Variants in FAM234A observed in about 807,000 individuals in gnomAD.
FAM234A encodes the protein family with sequence similarity 234 member A, also known as protein FAM234A.
In FAM234A, 42 loss-of-function variants were observed where a neutral mutation model predicts 49.1. The observed-to-expected ratio is 0.86, with a 90% CI of 0.67 to 1.11. FAM234A has a LOEUF of 1.11. Among genes scored for constraint, FAM234A ranks in the 50% least tolerant of loss-of-function variants. The pLI is 0.00. For missense variants in FAM234A, 815 were observed against 745.2 expected (o/e 1.09, Z -1.09); for synonymous variants, 369 against 316.2 (o/e 1.17, Z -1.77).
At position 254,554 on chromosome 16, in the gene FAM234A, C is replaced by A; in HGVS notation, c.141C>A (p.Cys47Ter). 1 of 1,614,198 alleles carries A rather than the reference C, an allele frequency of 6.2e-7. No individual in the cohort carries two copies. Among genetic ancestry groups the A allele is most frequent in the Non-Finnish European group, 8.5e-7 (1 of 1,180,038 alleles). ...SAPPQSRLSR[C>*]RAAAFFLSLF... ...CTCCACAGTCCCGGCTCTCCCGGTGCCGAGCGGCGGCGTTTTTTCTTTCAT... is the reference window on the plus strand; with the variant it reads ...CTCCACAGTCCCGGCTCTCCCGGTGACGAGCGGCGGCGTTTTTTCTTTCAT... The change falls in exon 3 of 13, where the codon TGC becomes TGA. Residue 47 changes from cysteine (C) to a stop codon, truncating the protein, a stop_gained. Transcript: ENST00000399932. LOFTEE classifies it high-confidence loss of function.
Position 265,904 on chromosome 16 carries a change from A to C in FAM234A, c.*882A>C. The stretch of plus-strand genomic sequence containing the variant: ...CTGCCTCTCCCCTTCCGGTGCTCAC[A>C]CGCCCACGCCGTGCCACCCGATGCA... On this transcript the variant is annotated 3_prime_UTR_variant, in exon 13 of 13. Coordinates refer to ENST00000399932, the MANE Select transcript of FAM234A (RefSeq NM_032039.4). 1 of 986,300 alleles carries C rather than the reference A, an allele frequency of 1.0e-6. No homozygotes were observed. Among genetic ancestry groups the C allele is most frequent in the Non-Finnish European group, 1.2e-6 (1 of 830,468 alleles). The allele number at this position is 986,300 out of a possible 1,614,324, so 61.1% of individuals were successfully genotyped here.
Position 262,489 on chromosome 16 carries a change from T to A in FAM234A, c.907T>A (p.Phe303Ile). The change falls in exon 8 of 13, where the codon TTC (phenylalanine) becomes ATC (isoleucine). Residue 303 changes from phenylalanine (F) to isoleucine (I), a missense_variant. By Grantham distance (21) the Phe-to-Ile change is conservative (BLOSUM62 0). Transcript: ENST00000399932. Reference sequence around the variant, plus strand: ...GAAGGTGACCGGGAGCGGCGGCCCGTTCAAGAGTGACCCGCACTGGGAGAG... The same window carrying A: ...GAAGGTGACCGGGAGCGGCGGCCCGATCAAGAGTGACCCGCACTGGGAGAG... ...YEKVTGSGGP[F>I]KSDPHWESML... 6.2e-7 allele frequency: 1 copy of A among 1,612,704 alleles called. No homozygotes were observed. The highest frequency in any genetic ancestry group is 8.5e-7 in the Non-Finnish European group (1 of 1,179,466).
At chr16:250,121 C>T (rs1486502241) in intron 2 of FAM234A, among the ~76,000 whole-genome samples, 1 of 152,144 alleles carries the variant, frequency 6.6e-6, no homozygotes, top group East Asian at 1.9e-4. Flanking sequence ...TTAGTAGAGA[C>T]GGGGTTTCAC....
intron 2 of FAM234A, among the ~76,000 whole-genome samples, chr16:251,589 G>A (rs1202306840): frequency 4.0e-5 from 6 of 150,964 alleles, no homozygotes; most frequent in African/African-American, 1.5e-4. Context: ...CATTGCCCAG[G>A]CTGTTCTCAA....
At chr16:262,297 C>T (rs1016601542) in intron 7 of FAM234A, 72 bp downstream of exon 7, 1 of 1,587,570 alleles carries the variant, frequency 6.3e-7, no homozygotes, top group Non-Finnish European at 8.6e-7. Flanking sequence ...TCCTCAGGTC[C>T]TGCTTCTGCT....
intron 3 of FAM234A, among the ~76,000 whole-genome samples, chr16:258,051 TCACCGTATTAG>T (rs2051307548): frequency 6.6e-6 from 1 of 151,954 alleles, no homozygotes; most frequent in African/African-American, 2.4e-5. Context: ...AGAGAAGGTT[TCACCGTATTAG>T]CCAGGCTTGT....
intron 1 of FAM234A, among the ~76,000 whole-genome samples, chr16:236,636 G>T (rs1328133123): frequency 6.6e-6 from 1 of 150,658 alleles, no homozygotes; most frequent in Admixed American, 6.6e-5. Flanking sequence ...GCCGGGCGCG[G>T]TGGCTCACGC....
At chr16:244,938 C>G (rs900523613) in intron 1 of FAM234A, among the ~76,000 whole-genome samples, 1 of 151,392 alleles carries the variant, frequency 6.6e-6, no homozygotes, top group Non-Finnish European at 1.5e-5. Flanking sequence ...GTGATCTGCC[C>G]GCCTCAGCCT....
At position 260,031 on chromosome 16, in the gene FAM234A, G is replaced by A. The variant is rs369532869; in HGVS notation, c.448G>A (p.Glu150Lys). Residue 150 changes from glutamate (E) to lysine (K), a missense_variant, in exon 5 of 13, where the codon GAG becomes AAG. Glu to Lys is a moderately conservative substitution (Grantham distance 56). Coordinates refer to ENST00000399932, the MANE Select transcript of FAM234A (RefSeq NM_032039.4). ...VSGANGSTLWERPVAQDVALV... is the reference protein window; with the variant it reads ...VSGANGSTLWKRPVAQDVALV... ...GGGGGCCAACGGCAGCACGCTCTGGGAGAGACCTGTGGCCCAAGACGTGGC... is the reference window on the plus strand; with the variant it reads ...GGGGGCCAACGGCAGCACGCTCTGGAAGAGACCTGTGGCCCAAGACGTGGC... 5.6e-5 allele frequency: 90 copies of A among 1,613,678 alleles called. 2 individuals carry two copies. In the South Asian group the frequency reaches 6.7e-4, roughly 12 times the overall value.
chr16:254,544 T>G lies in FAM234A; in HGVS notation c.131T>G (p.Leu44Arg), dbSNP rs750844813. The change falls in exon 3 of 13, where the codon CTC becomes CGC. Residue 44 changes from leucine (L) to arginine (R), a missense_variant. Physicochemically the swap from Leu to Arg is moderately radical, Grantham distance 102. Transcript: ENST00000399932. ...AAAAGCGCGCCTCCACAGTCCCGGC[T>G]CTCCCGGTGCCGAGCGGCGGCGTTT... is the stretch of plus-strand genomic sequence containing the variant. ...NVKSAPPQSRLSRCRAAAFFL... is the reference protein window; with the variant it reads ...NVKSAPPQSRRSRCRAAAFFL... 53 of 1,614,060 alleles carry G rather than the reference T, an allele frequency of 3.3e-5. No homozygotes were observed. Among genetic ancestry groups the G allele is most frequent in the Middle Eastern group, 3.3e-4 (2 of 6,076 alleles).
downstream of FAM234A, among the ~76,000 whole-genome samples, chr16:266,906 G>A (rs1382138576): frequency 6.6e-6 from 1 of 152,006 alleles, no homozygotes; most frequent in Non-Finnish European, 1.5e-5. Flanking sequence ...GGGAGGGCAG[G>A]GGGTCCCCAA....
intron 9 of FAM234A, 87 bp from the exon 10 acceptor site, chr16:263,613 T>C (rs925824834): frequency 7.7e-7 from 1 of 1,304,926 alleles, no homozygotes; most frequent in Admixed American, 1.7e-5. Context: ...CATGGGAGAC[T>C]GAGGGGCGGA....
intron 2 of FAM234A, among the ~76,000 whole-genome samples, chr16:252,033 C>CT (rs138612472): frequency 0.18 from 26,868 of 147,036 alleles, 2,725 homozygotes; most frequent in East Asian, 0.31. Flanking sequence ...AGATGGGTCT[C>CT]TCTGTTGCCC....
chr16:238,583 A>G (rs8057260), intron 1 of FAM234A, among the ~76,000 whole-genome samples: 7,100 of 149,432 alleles, frequency 0.048, 311 homozygotes, highest in African/African-American at 0.12. Context: ...TGGCTAACAC[A>G]GTGAAATCCC....
At chr16:238,656 C>A (rs1361820560) in intron 1 of FAM234A, among the ~76,000 whole-genome samples, 2 of 150,936 alleles carry the variant, frequency 1.3e-5, no homozygotes, top group African/African-American at 2.4e-5. Flanking sequence ...GTCCCAGCCA[C>A]TCCGGAGGCT....
Position 253,663 on chromosome 16 carries a change from A to G in FAM234A, c.-33-718A>G, listed in dbSNP as rs576631614. 3.9e-5 allele frequency among the ~76,000 whole-genome samples: 6 copies of G among 151,998 alleles called. No homozygotes were observed. The East Asian group carries it at 1.2e-3, about 30-fold the overall frequency. The stretch of plus-strand genomic sequence containing the variant: ...CTAATTTTTTGTATTTTTAGTAGAG[A>G]TGGGGTTTCACCGAGTTAGCCAGGA... On this transcript the variant is annotated intron_variant, in intron 2 of 12. Coordinates refer to ENST00000399932, the MANE Select transcript of FAM234A (RefSeq NM_032039.4).
chr16:263,671 T>C (rs1461778734), intron 9 of FAM234A, 29 bp from the exon 10 acceptor site: 1 of 1,569,494 alleles, frequency 6.4e-7, no homozygotes, highest in East Asian at 2.2e-5. Context: ...CTGAGACCCC[T>C]CGTGAGCGCT....
chr16:258,103 C>G (rs2051310782), intron 3 of FAM234A, among the ~76,000 whole-genome samples: 1 of 152,006 alleles, frequency 6.6e-6, no homozygotes, highest in East Asian at 1.9e-4. Context: ...ATCCACCCGC[C>G]TCGGCCTCCT....
chr16:249,953 A>T lies in FAM234A; in HGVS notation c.-34+299A>T, dbSNP rs949216185. Among the ~76,000 whole-genome samples the T allele has an allele frequency of 5.4e-4, 81 of 151,292 alleles. 1 individual carries two copies. Among genetic ancestry groups the T allele is most frequent in the African/African-American group, 1.8e-3 (72 of 40,782 alleles). On this transcript the variant is annotated intron_variant, in intron 2 of 12. Transcript: ENST00000399932. Reference sequence around the variant, plus strand: ...TTTATTTATTTATTATTTAAAAAAAATTTTTCTTTTTAGACGGAGTCTCGC... The same window carrying T: ...TTTATTTATTTATTATTTAAAAAAATTTTTTCTTTTTAGACGGAGTCTCGC...
Sources: gnomAD v4.1 joint callset for allele counts (sites outside exome capture counted in the v4.1 genomes callset) on GRCh38, gnomAD v4.1.1 for gene constraint, MANE v1.5 for transcripts, NCBI Gene and HGNC (gene_info 2026-07-23, HGNC 2026-07-21) for gene names.